The following ZFAND3 variants were observed in gnomAD, a reference collection of about 807,000 sequenced individuals.
The protein encoded by ZFAND3 is zinc finger AN1-type containing 3, also known as AN1-type zinc finger protein 3.
A neutral mutation model predicts 29.6 loss-of-function variants in ZFAND3; 10 were observed. The ratio of observed to expected loss-of-function variants is 0.34; its 90% CI spans 0.21 to 0.57. The LOEUF (loss-of-function observed/expected upper bound fraction) is 0.57, where lower values mean the gene tolerates loss of function less well. Ranked by LOEUF, ZFAND3 falls within the 20% of genes least tolerant of loss-of-function variation. ZFAND3 has a pLI of 0.86. For synonymous variants in ZFAND3, 128 were observed against 112.6 expected, an observed-to-expected ratio of 1.14 and a Z score of -0.87; for missense variants, 230 against 304.5, an observed-to-expected ratio of 0.76 and a Z score of 1.82.
chr6:37,831,938 G>GATGATATTTAT (rs1430652853), intron 1 of ZFAND3, among the ~76,000 whole-genome samples: 1 of 152,174 alleles, frequency 6.6e-6, no homozygotes, highest in African/African-American at 2.4e-5. Context: ...ATGGATAACA[G>GATGATATTTAT]ATGATATTTA....
chr6:38,046,314 G>A (rs1011744554), intron 2 of ZFAND3, among the ~76,000 whole-genome samples: 2 of 152,226 alleles, frequency 1.3e-5, no homozygotes, highest in African/African-American at 4.8e-5. Context: ...AGTGCTATCT[G>A]AAGGAATTTG....
At chr6:38,044,508 C>T (rs1481588553) in intron 2 of ZFAND3, among the ~76,000 whole-genome samples, 2 of 152,116 alleles carry the variant, frequency 1.3e-5, no homozygotes, top group Non-Finnish European at 2.9e-5. Flanking sequence ...CTTGACTAGG[C>T]ATCTTTAATG....
chr6:38,084,238 T>C (rs755906041), intron 4 of ZFAND3, among the ~76,000 whole-genome samples: 5 of 152,334 alleles, frequency 3.3e-5, no homozygotes, highest in Non-Finnish European at 7.3e-5. Flanking sequence ...AACATATATT[T>C]GGAAATATAG....
chr6:37,952,481 G>T (rs1009343608), intron 2 of ZFAND3, among the ~76,000 whole-genome samples: 1 of 152,092 alleles, frequency 6.6e-6, no homozygotes, highest in African/African-American at 2.4e-5. Context: ...TTTTCTAGAA[G>T]AAATGTGCAT....
At chr6:38,095,531 T>C (rs1764961484) in intron 4 of ZFAND3, among the ~76,000 whole-genome samples, 1 of 152,186 alleles carries the variant, frequency 6.6e-6, no homozygotes, top group Non-Finnish European at 1.5e-5. Context: ...CCTACCGGTC[T>C]TTCCTCTCCA....
chr6:37,994,101 G>T (rs1762808214), intron 2 of ZFAND3, among the ~76,000 whole-genome samples: 1 of 137,166 alleles, frequency 7.3e-6, no homozygotes, highest in Admixed American at 8.0e-5. Flanking sequence ...CAAAGAACAA[G>T]TTCATGGAGT....
chr6:38,081,873 T>C (rs1048139541), intron 3 of ZFAND3, among the ~76,000 whole-genome samples: 3 of 152,152 alleles, frequency 2.0e-5, no homozygotes, highest in East Asian at 3.9e-4. Context: ...CAGCAATGCT[T>C]TCTTTATATA....
Position 37,819,787 on chromosome 6 carries a change from G to C in ZFAND3, c.-159G>C. On this transcript the variant is annotated 5_prime_UTR_variant, in exon 1 of 6. Transcript: ENST00000287218. ...CTCCAGCTGACCGGCCTGGAATCCC[G>C]GCTCCGAGCCCCGGACTCGCGCCCG... is the stretch of plus-strand genomic sequence containing the variant. 2.9e-6 allele frequency: 1 copy of C among 340,400 alleles called. No individual in the cohort carries two copies. The highest frequency in any genetic ancestry group is 4.4e-6 in the Non-Finnish European group (1 of 225,994). 21.1% of individuals were successfully genotyped at this position (340,400 alleles called of 1,614,324 possible).
chr6:38,130,357 G>T (rs994554701), intron 5 of ZFAND3, among the ~76,000 whole-genome samples: 2 of 152,144 alleles, frequency 1.3e-5, no homozygotes, highest in Non-Finnish European at 2.9e-5. Context: ...TGTTGAAGAG[G>T]AGTGGTGACA....
intron 1 of ZFAND3, among the ~76,000 whole-genome samples, chr6:37,908,743 GAAAAAA>G (rs202057469): frequency 6.2e-5 from 6 of 97,272 alleles, no homozygotes; most frequent in Non-Finnish European, 1.3e-4. Flanking sequence ...AATTTTCAAA[GAAAAAA>G]AAAAAAAAAA....
chr6:38,075,908 C>T lies in ZFAND3; in HGVS notation c.296-6484C>T, dbSNP rs1244746480. Among the ~76,000 whole-genome samples the T allele has an allele frequency of 8.5e-5, 13 of 152,274 alleles. No individual in the cohort carries two copies. The South Asian group carries it at 2.7e-3, about 32-fold the overall frequency. On this transcript the variant is annotated intron_variant, in intron 3 of 5. Coordinates refer to ENST00000287218, the MANE Select transcript of ZFAND3 (RefSeq NM_021943.3). ...CTGAGACTACAGGCGCCCGCCACCACACCCAACTAATTTTTTTGTATTTTT... is the reference window on the plus strand; with the variant it reads ...CTGAGACTACAGGCGCCCGCCACCATACCCAACTAATTTTTTTGTATTTTT...
intron 2 of ZFAND3, among the ~76,000 whole-genome samples, chr6:37,956,470 A>G (rs909014224): frequency 2.0e-5 from 3 of 152,244 alleles, no homozygotes; most frequent in African/African-American, 7.2e-5. Flanking sequence ...AGAGGTCACA[A>G]CCATCAGTCA....
intron 4 of ZFAND3, among the ~76,000 whole-genome samples, chr6:38,082,942 T>C (rs1002474787): frequency 9.2e-5 from 14 of 152,208 alleles, no homozygotes; most frequent in Non-Finnish European, 1.9e-4. Context: ...AAAACATCTT[T>C]GTGCATCTGT....
At chr6:38,040,130 T>C (rs760632379) in intron 2 of ZFAND3, among the ~76,000 whole-genome samples, 23 of 152,182 alleles carry the variant, frequency 1.5e-4, no homozygotes, top group Non-Finnish European at 3.2e-4. Flanking sequence ...TCTACTTTTT[T>C]TCGTTGTCTG....
chr6:38,148,294 T>G (rs1373882299), intron 5 of ZFAND3, among the ~76,000 whole-genome samples: 7 of 152,228 alleles, frequency 4.6e-5, no homozygotes. Flanking sequence ...TTGAATTTGA[T>G]TTTAATATAT....
At chr6:38,026,325 CTAACTA>C (rs1763446479) in intron 2 of ZFAND3, among the ~76,000 whole-genome samples, 1 of 151,528 alleles carries the variant, frequency 6.6e-6, no homozygotes, top group Non-Finnish European at 1.5e-5. Context: ...CAGGAAAACA[CTAACTA>C]TATAAGGTCT....
rs993407737 is a variant in ZFAND3 at position 38,116,634 on chromosome 6, C to T, written c.424C>T (p.Arg142Trp). 21 of 1,613,918 alleles carry T rather than the reference C, an allele frequency of 1.3e-5. No individual in the cohort carries two copies. The highest frequency in any genetic ancestry group is 3.3e-5 in the Admixed American group (2 of 60,004). The part of the protein sequence containing the change: ...KRPRLLENTE[R>W]SEETSRSKQK... ...GCCACGACTACTTGAGAATACGGAA[C>T]GGTCCGAGGAAACCAGTCGATCTAA... The change falls in exon 5 of 6, where the codon CGG (arginine) becomes TGG (tryptophan). Residue 142 changes from arginine to tryptophan, a missense_variant. Coordinates refer to ENST00000287218, the MANE Select transcript of ZFAND3 (RefSeq NM_021943.3).
intron 4 of ZFAND3, among the ~76,000 whole-genome samples, chr6:38,098,337 G>A (rs1295891780): frequency 2.0e-5 from 3 of 152,168 alleles, no homozygotes; most frequent in Non-Finnish European, 4.4e-5. Context: ...AGTAGAGACA[G>A]GGTTTTTTCA....
At chr6:37,860,642 T>G (rs183508920) in intron 1 of ZFAND3, among the ~76,000 whole-genome samples, 2,164 of 142,464 alleles carry the variant, frequency 0.015, 47 homozygotes, top group African/African-American at 0.058. Context: ...ACTTAGTTTT[T>G]TTTTTTTTTT....
Sources: allele counts gnomAD v4.1 joint callset (sites outside exome capture counted in the v4.1 genomes callset), GRCh38; gene constraint gnomAD v4.1.1; transcripts MANE v1.5; gene names NCBI Gene and HGNC (gene_info 2026-07-23, HGNC 2026-07-21).